RAD18: variants seen among roughly 807,000 people sequenced by gnomAD.
RAD18 encodes the protein RAD18 E3 ubiquitin protein ligase.
A neutral mutation model predicts 60.4 loss-of-function variants in RAD18; 47 were observed. That is an observed-to-expected ratio of 0.78 (90% CI 0.62 to 0.99). The LOEUF (loss-of-function observed/expected upper bound fraction) is 0.99. Among genes scored for constraint, RAD18 ranks in the 50% least tolerant of loss-of-function variants. The pLI, the probability that RAD18 is intolerant of heterozygous loss-of-function variation, is 0.00. For missense variants in RAD18, 640 were observed against 593.3 expected, an observed-to-expected ratio of 1.08 and a Z score of -0.82; for synonymous variants, 225 against 195.5, an observed-to-expected ratio of 1.15 and a Z score of -1.26.
intron 7 of RAD18, among the ~76,000 whole-genome samples, chr3:8,917,200 A>C (rs1940218544): frequency 6.6e-6 from 1 of 152,184 alleles, no homozygotes; most frequent in Non-Finnish European, 1.5e-5. Flanking sequence ...CCAATCCAGA[A>C]TTCTAATAAA....
chr3:8,928,000 G>A (rs1196356900), intron 7 of RAD18, among the ~76,000 whole-genome samples: 1 of 146,348 alleles, frequency 6.8e-6, no homozygotes, highest in Non-Finnish European at 1.5e-5. Flanking sequence ...CATGGCACAT[G>A]TATACATATG....
Position 8,935,927 on chromosome 3 carries a change from T to A in RAD18, c.833A>T (p.His278Leu), listed in dbSNP as rs752417478. Reference protein sequence around the residue: ...QGNKQQLIKRHQEFVHMYNAQ... With the variant: ...QGNKQQLIKRLQEFVHMYNAQ... ...ATTGTACATGTGTACAAATTCTTGG[T>A]GCCTTTTAATGAGCTGTTGTTTATT... The change falls in exon 7 of 13, where the codon CAC (histidine) becomes CTC (leucine). Residue 278 changes from histidine to leucine, a missense_variant. By Grantham distance (99) the His-to-Leu change is moderately conservative. Coordinates refer to ENST00000264926, the MANE Select transcript of RAD18 (RefSeq NM_020165.4). The A allele has an allele frequency of 1.2e-6, 2 of 1,611,916 alleles. No individual in the cohort carries two copies. Among genetic ancestry groups the A allele is most frequent in the Non-Finnish European group, 1.7e-6 (2 of 1,178,784 alleles).
chr3:8,950,474 C>T (rs1940909726), intron 2 of RAD18, among the ~76,000 whole-genome samples: 1 of 152,204 alleles, frequency 6.6e-6, no homozygotes, highest in Non-Finnish European at 1.5e-5. Flanking sequence ...CCTGTCCCAT[C>T]TAAGGAGGGG....
At chr3:8,932,396 A>G (rs982924010) in intron 7 of RAD18, among the ~76,000 whole-genome samples, 4 of 152,206 alleles carry the variant, frequency 2.6e-5, no homozygotes, top group African/African-American at 9.7e-5. Flanking sequence ...TAGCAAATAA[A>G]ACTATCAAAA....
At chr3:8,903,507 AC>A (rs1939950135) in intron 9 of RAD18, among the ~76,000 whole-genome samples, 1 of 152,072 alleles carries the variant, frequency 6.6e-6, no homozygotes, top group African/African-American at 2.4e-5. Flanking sequence ...AACCAATTCT[AC>A]CTTATCTTAC....
rs45561631 is a variant in RAD18, at chr3:8,946,565, C to T, written c.266+655G>A. ...GATATTGAAACATGCCTTTTCATAT[C>T]CCTTTGGGTGACCAAACTCACTTTC... is the stretch of plus-strand genomic sequence containing the variant. On this transcript the variant is annotated intron_variant, in intron 4 of 12. Transcript: ENST00000264926. 3.5e-4 allele frequency among the ~76,000 whole-genome samples: 54 copies of T among 152,322 alleles called. 1 individual carries two copies. The East Asian group carries it at 9.6e-3, about 27-fold the overall frequency.
At chr3:8,922,396 G>A (rs1940338733) in intron 7 of RAD18, among the ~76,000 whole-genome samples, 1 of 152,206 alleles carries the variant, frequency 6.6e-6, no homozygotes, top group African/African-American at 2.4e-5. Flanking sequence ...GGGGAGGGGT[G>A]CCTGCCATTG....
chr3:8,959,148 G>A (rs1256451296), intron 1 of RAD18, 147 bp from the exon 2 acceptor site: 3 of 670,390 alleles, frequency 4.5e-6, no homozygotes, highest in Non-Finnish European at 8.0e-6. Context: ...TAAACTGCAA[G>A]GGATCTTGAC....
intron 7 of RAD18, among the ~76,000 whole-genome samples, chr3:8,928,049 T>TAAAAAAAAAAAAAA (rs58756851): frequency 8.2e-6 from 1 of 121,734 alleles, no homozygotes; most frequent in African/African-American, 2.8e-5. Flanking sequence ...CCCTAAAACT[T>TAAAAAAAAAAAAAA]AAAAAAAAAA....
chr3:8,883,509 T>A lies in RAD18; in HGVS notation c.1386-2050A>T, dbSNP rs1177262950. Among the ~76,000 whole-genome samples the A allele has an allele frequency of 2.0e-5, 3 of 152,172 alleles. No homozygotes were observed. In the East Asian group the frequency reaches 5.8e-4, roughly 29 times the overall value. ...GTTCCTTAGACATCTGGAACCAATA[T>A]CATACAGAAACTCAGCAAAACCAGT... On this transcript the variant is annotated intron_variant, in intron 12 of 12. Coordinates refer to ENST00000264926, the MANE Select transcript of RAD18 (RefSeq NM_020165.4).
At chr3:8,913,586 G>T (rs1575543156) in intron 8 of RAD18, 58 bp downstream of exon 8, 2 of 1,182,288 alleles carry the variant, frequency 1.7e-6, no homozygotes, top group East Asian at 2.7e-5. Flanking sequence ...TTTAATTTTT[G>T]TAGGGTATTA....
chr3:8,915,818 C>T (rs990655321), intron 7 of RAD18, among the ~76,000 whole-genome samples: 2 of 152,142 alleles, frequency 1.3e-5, no homozygotes, highest in African/African-American at 2.4e-5. Context: ...CTCCTGACCT[C>T]GTGATCCACC....
chr3:8,922,118 G>A (rs998808750), intron 7 of RAD18, among the ~76,000 whole-genome samples: 4 of 152,228 alleles, frequency 2.6e-5, no homozygotes, highest in East Asian at 3.9e-4. Context: ...TGCACCGGGA[G>A]TGAGCTGAAG....
intron 6 of RAD18, among the ~76,000 whole-genome samples, chr3:8,936,921 C>T (rs563552454): frequency 2.0e-5 from 3 of 152,254 alleles, no homozygotes; most frequent in Admixed American, 6.5e-5. Flanking sequence ...AATAATCAAA[C>T]AGAGAAATAT....
At chr3:8,955,546 A>G (rs547422603) in intron 2 of RAD18, among the ~76,000 whole-genome samples, 1 of 152,326 alleles carries the variant, frequency 6.6e-6, no homozygotes, top group Non-Finnish European at 1.5e-5. Flanking sequence ...TGAACTTTTC[A>G]AAGGACTGCC....
intron 9 of RAD18, among the ~76,000 whole-genome samples, chr3:8,908,824 C>T (rs1575540868): frequency 6.6e-6 from 1 of 152,156 alleles, no homozygotes; most frequent in African/African-American, 2.4e-5. Flanking sequence ...GATATAAACT[C>T]CAACAGAGTA....
chr3:8,890,520 C>A, intron 11 of RAD18, 69 bp from the exon 12 acceptor site: 4 of 1,254,456 alleles, frequency 3.2e-6, no homozygotes, highest in South Asian at 1.3e-5. Flanking sequence ...ATATAAAATT[C>A]TAGAAAAAAA....
intron 2 of RAD18, among the ~76,000 whole-genome samples, chr3:8,951,700 C>A (rs1940927834): frequency 6.6e-6 from 1 of 152,176 alleles, no homozygotes; most frequent in South Asian, 2.1e-4. Flanking sequence ...CTTATGAATG[C>A]TTATGCATAA....
chr3:8,947,243 C>T lies in RAD18; in HGVS notation c.243G>A (p.Leu81=). ...ACCGTGCAAAATTCAAGCTTTTTAC[C>T]AGTTCATCTAATATGCGGTTATTTT... ...DLKNNRILDE[L]VKSLNFARNH... The change falls in exon 4 of 13, where the codon CTG becomes CTA. Residue 81 remains leucine (L), a synonymous_variant. Coordinates refer to ENST00000264926, the MANE Select transcript of RAD18 (RefSeq NM_020165.4). The T allele has an allele frequency of 6.2e-7, 1 of 1,610,090 alleles. No homozygotes were observed. The highest frequency in any genetic ancestry group is 1.1e-5 in the South Asian group (1 of 90,708).
Sources: allele counts gnomAD v4.1 joint callset (sites outside exome capture counted in the v4.1 genomes callset), GRCh38; gene constraint gnomAD v4.1.1; transcripts MANE v1.5; gene names NCBI Gene and HGNC (gene_info 2026-07-23, HGNC 2026-07-21).